The following FMNL2 variants were observed in gnomAD, a reference collection of about 807,000 sequenced individuals.
The protein encoded by FMNL2 is formin-like protein 2.
In FMNL2, 51 loss-of-function variants were observed where a neutral mutation model predicts 130.2. The ratio of observed to expected loss-of-function variants is 0.39; its 90% CI spans 0.31 to 0.49. The LOEUF is 0.49. Ranked by LOEUF, FMNL2 falls within the 20% of genes least tolerant of loss-of-function variation. The pLI is 0.85. For synonymous variants in FMNL2, 465 were observed against 467.1 expected (o/e 1.00, Z 0.06); for missense variants, 977 against 1,316.2 (o/e 0.74, Z 3.99).
At chr2:152,609,053 G>A (rs1192892667) in intron 10 of FMNL2, among the ~76,000 whole-genome samples, 7 of 152,128 alleles carry the variant, frequency 4.6e-5, no homozygotes, top group Admixed American at 4.6e-4. Flanking sequence ...ACACAGCCCA[G>A]CCTGCTCATT....
intron 1 of FMNL2, among the ~76,000 whole-genome samples, chr2:152,498,051 G>C (rs1691611155): frequency 6.6e-6 from 1 of 152,090 alleles, no homozygotes; most frequent in Non-Finnish European, 1.5e-5. Context: ...TCTTTAAAGG[G>C]TATACTTCTT....
At chr2:152,358,343 T>C (rs758275454) in intron 1 of FMNL2, among the ~76,000 whole-genome samples, 4 of 152,118 alleles carry the variant, frequency 2.6e-5, no homozygotes, top group Non-Finnish European at 4.4e-5. Context: ...CACCTTGTGA[T>C]CCTGTGAGTC....
intron 14 of FMNL2, 137 bp downstream of exon 14, chr2:152,619,295 C>A: frequency 7.7e-7 from 1 of 1,294,274 alleles, no homozygotes; most frequent in Non-Finnish European, 1.0e-6. Flanking sequence ...TAGTTCTTAA[C>A]TGTTTACATT....
intron 1 of FMNL2, among the ~76,000 whole-genome samples, chr2:152,453,997 G>T (rs892722386): frequency 6.6e-6 from 1 of 152,216 alleles, no homozygotes; most frequent in African/African-American, 2.4e-5. Flanking sequence ...TTCTGGCTGG[G>T]CGCAGTAGCT....
At chr2:152,586,364 A>G (rs1000449128) in intron 9 of FMNL2, among the ~76,000 whole-genome samples, 2 of 152,176 alleles carry the variant, frequency 1.3e-5, no homozygotes, top group Admixed American at 1.3e-4. Context: ...ATCTGAAGGC[A>G]CTCGTGCTAC....
At chr2:152,444,612 G>T (rs542624358) in intron 1 of FMNL2, among the ~76,000 whole-genome samples, 1 of 152,290 alleles carries the variant, frequency 6.6e-6, no homozygotes, top group East Asian at 1.9e-4. Flanking sequence ...GTGAGCTTGC[G>T]TGCTCAGGAG....
intron 1 of FMNL2, among the ~76,000 whole-genome samples, chr2:152,404,392 C>T (rs1685872463): frequency 6.6e-6 from 1 of 152,110 alleles, no homozygotes; most frequent in Admixed American, 6.6e-5. Context: ...AGAAAGGGGA[C>T]ACCAAGCTGA....
chr2:152,571,561 C>T (rs758169791), intron 6 of FMNL2, among the ~76,000 whole-genome samples: 1 of 152,172 alleles, frequency 6.6e-6, no homozygotes, highest in African/African-American at 2.4e-5. Context: ...TAACAGAACA[C>T]ATGCCAAGGG....
intron 1 of FMNL2, among the ~76,000 whole-genome samples, chr2:152,400,677 T>G (rs921269231): frequency 7.2e-5 from 11 of 152,186 alleles, no homozygotes; most frequent in African/African-American, 2.7e-4. Flanking sequence ...ATTTATGCAT[T>G]TGGGACCAGA....
intron 1 of FMNL2, among the ~76,000 whole-genome samples, chr2:152,366,962 G>A (rs964796060): frequency 6.6e-6 from 1 of 152,134 alleles, no homozygotes; most frequent in Non-Finnish European, 1.5e-5. Flanking sequence ...TCCAGCCAGG[G>A]CAGCAGAGTG....
At chr2:152,395,911 G>A (rs1307261656) in intron 1 of FMNL2, among the ~76,000 whole-genome samples, 1 of 151,078 alleles carries the variant, frequency 6.6e-6, no homozygotes, top group Non-Finnish European at 1.5e-5. Flanking sequence ...CAGGGGGCGG[G>A]GCGGCGGCAG....
chr2:152,619,553 C>CCA lies in FMNL2; in HGVS notation c.1673_1674insAC (p.Pro560LeufsTer29), dbSNP rs766789329. On this transcript the variant is annotated frameshift_variant, in exon 15 of 26. Coordinates refer to ENST00000288670, the MANE Select transcript of FMNL2 (RefSeq NM_052905.4). LOFTEE classifies it high-confidence loss of function. ...ACCACCTATGCCACCGCCGCCGCCG[C>CCA]CCCCTCCTCCACCTCCTCCTCCCCC... is the stretch of plus-strand genomic sequence containing the variant. 2.9e-6 allele frequency: 4 copies of CCA among 1,360,158 alleles called. No homozygotes were observed. Among genetic ancestry groups the CCA allele is most frequent in the African/African-American group, 6.5e-5 (2 of 30,776 alleles). 84.3% of individuals were successfully genotyped at this position (1,360,158 alleles called of 1,614,324 possible). A position where few individuals can be genotyped will look rare whatever the true frequency, so the allele number is the denominator to read the frequency against.
chr2:152,518,846 C>T (rs778165968), intron 1 of FMNL2, among the ~76,000 whole-genome samples: 22 of 152,198 alleles, frequency 1.4e-4, no homozygotes, highest in Non-Finnish European at 2.8e-4. Context: ...CTCCTCATAG[C>T]ACCTATTGTT....
intron 1 of FMNL2, among the ~76,000 whole-genome samples, chr2:152,373,567 C>A (rs1684003459): frequency 6.6e-6 from 1 of 152,136 alleles, no homozygotes; most frequent in Non-Finnish European, 1.5e-5. Flanking sequence ...TGCATCTGAC[C>A]CATGCACATC....
chr2:152,423,721 C>G (rs954397496), intron 1 of FMNL2, among the ~76,000 whole-genome samples: 1 of 152,050 alleles, frequency 6.6e-6, no homozygotes, highest in East Asian at 1.9e-4. Context: ...CTTTTGCTTT[C>G]TATATTGGAC....
At chr2:152,411,797 G>A (rs1302397596) in intron 1 of FMNL2, among the ~76,000 whole-genome samples, 1 of 152,188 alleles carries the variant, frequency 6.6e-6, no homozygotes, top group Non-Finnish European at 1.5e-5. Flanking sequence ...TCTGGGAGCT[G>A]AGCACATGGT....
Position 152,520,706 on chromosome 2 carries a change from T to C in FMNL2, c.118-1237T>C, listed in dbSNP as rs189065424. Among the ~76,000 whole-genome samples the C allele has an allele frequency of 5.5e-3, 837 of 152,278 alleles. 4 individuals are homozygous for C. The highest frequency in any genetic ancestry group is 6.6e-3 in the Non-Finnish European group (448 of 68,016). Reference sequence around the variant, plus strand: ...ACTTAAGGCATACCAATCTAGATGTTAGATTGAGTTTAAGGGAAAATGCTT... The same window carrying C: ...ACTTAAGGCATACCAATCTAGATGTCAGATTGAGTTTAAGGGAAAATGCTT... On this transcript the variant is annotated intron_variant, in intron 1 of 25. Coordinates refer to ENST00000288670, the MANE Select transcript of FMNL2 (RefSeq NM_052905.4).
At chr2:152,465,111 T>A (rs1383123554) in intron 1 of FMNL2, among the ~76,000 whole-genome samples, 1 of 152,218 alleles carries the variant, frequency 6.6e-6, no homozygotes, top group Non-Finnish European at 1.5e-5. Context: ...CTCATAGCCC[T>A]GCGCAAGTAG....
chr2:152,537,472 G>T (rs116572550), intron 2 of FMNL2, among the ~76,000 whole-genome samples: 1,968 of 152,242 alleles, frequency 0.013, 34 homozygotes, highest in African/African-American at 0.045. Flanking sequence ...TTAGATCTAC[G>T]AGAGACACAG....
Sources: allele counts gnomAD v4.1 joint callset (sites outside exome capture counted in the v4.1 genomes callset), GRCh38; gene constraint gnomAD v4.1.1; transcripts MANE v1.5; gene names NCBI Gene and HGNC (gene_info 2026-07-23, HGNC 2026-07-21).